Variants in ZNF451 observed in about 807,000 individuals in gnomAD.
ZNF451 encodes E3 SUMO-protein ligase ZNF451.
A neutral mutation model predicts 107.1 loss-of-function variants in ZNF451; 80 were observed. That is an observed-to-expected ratio of 0.75 (90% CI 0.62 to 0.90). The LOEUF is 0.90. Among genes scored for constraint, ZNF451 ranks in the 40% least tolerant of loss-of-function variants. The pLI, the probability that ZNF451 is intolerant of heterozygous loss-of-function variation, is 0.00. For missense variants in ZNF451, 1,107 were observed against 1,236.2 expected (o/e 0.90, Z 1.57); for synonymous variants, 362 against 406.5 (o/e 0.89, Z 1.32).
intron 3 of ZNF451, among the ~76,000 whole-genome samples, chr6:57,123,309 G>A (rs925468413): frequency 5.3e-5 from 8 of 152,156 alleles, no homozygotes; most frequent in African/African-American, 1.9e-4. Context: ...TGTACACTGT[G>A]GAATACTACA....
chr6:57,100,924 G>A, intron 3 of ZNF451: 1 of 1,550,874 alleles, frequency 6.4e-7, no homozygotes, highest in South Asian at 1.2e-5. Flanking sequence ...TTTACGTATA[G>A]ATTCTTCTTC....
intron 5 of ZNF451, among the ~76,000 whole-genome samples, chr6:57,130,568 C>T (rs1831136333): frequency 4.6e-5 from 7 of 152,114 alleles, no homozygotes; most frequent in Admixed American, 4.6e-4. Context: ...CTCTAGATCT[C>T]TTCTAAAAAT....
At chr6:57,111,404 G>A (rs529097480) in intron 3 of ZNF451, among the ~76,000 whole-genome samples, 47 of 149,350 alleles carry the variant, frequency 3.1e-4, no homozygotes, top group Non-Finnish European at 4.4e-4. Flanking sequence ...TTCTTGAGAC[G>A]GAGTCTCACT....
rs549434606 is a variant in ZNF451, at chr6:57,160,284, TCTCCC to T, written c.3071-782_3071-778del. Among the ~76,000 whole-genome samples, 590 of 152,014 alleles carry T rather than the reference TCTCCC, an allele frequency of 3.9e-3. 8 individuals are homozygous for T. The highest frequency in any genetic ancestry group is 0.012 in the African/African-American group (490 of 41,444). On this transcript the variant is annotated intron_variant, in intron 13 of 14. Coordinates refer to ENST00000370706, the MANE Select transcript of ZNF451 (RefSeq NM_001031623.3). Reference sequence around the variant, plus strand: ...CCCCAATGTCCTTTTTCTTTTGTTTTCTCCCCTCCCCTCCCCTCCCCTGTCTTTTC... The same window carrying T: ...CCCCAATGTCCTTTTTCTTTTGTTTTCTCCCCTCCCCTCCCCTGTCTTTTC...
chr6:57,167,173 G>A (rs7774488), intron 14 of ZNF451, among the ~76,000 whole-genome samples: 4,381 of 150,962 alleles, frequency 0.029, 211 homozygotes, highest in African/African-American at 0.1. Context: ...TTGTGATTTC[G>A]TATATATATA....
At position 57,139,571 on chromosome 6, in the gene ZNF451, C is replaced by A. The variant is rs189394057; in HGVS notation, c.703-1731C>A. Among the ~76,000 whole-genome samples, 9 of 152,292 alleles carry A rather than the reference C, an allele frequency of 5.9e-5. 1 individual carries two copies. Among genetic ancestry groups the A allele is most frequent in the Admixed American group, 5.9e-4 (9 of 15,298 alleles). ...CACAATACAATGTTTGAGGCTATTA[C>A]TCTAAAGACCATTAACAAGAAGTTA... On this transcript the variant is annotated intron_variant, in intron 7 of 14. Transcript: ENST00000370706.
chr6:57,108,081 C>A, intron 3 of ZNF451: 1 of 832,392 alleles, frequency 1.2e-6, no homozygotes, highest in Non-Finnish European at 1.4e-6. Flanking sequence ...CCTTGTGATC[C>A]ACCTACCTTG....
intron 13 of ZNF451, among the ~76,000 whole-genome samples, chr6:57,155,178 C>CAAAAAACA (rs564591961): frequency 6.6e-6 from 1 of 151,364 alleles, no homozygotes; most frequent in Non-Finnish European, 1.5e-5. Context: ...TTTCTTAAAA[C>CAAAAAACA]AAAAAACAAA....
At chr6:57,158,983 C>T in intron 13 of ZNF451, 1 of 985,286 alleles carries the variant, frequency 1.0e-6, no homozygotes, top group Non-Finnish European at 1.2e-6. Flanking sequence ...GAAGCAGCAT[C>T]ATGGCCTGTG....
At position 57,161,028 on chromosome 6, in the gene ZNF451, T is replaced by A; in HGVS notation, c.3071-56T>A. The A allele has an allele frequency of 1.9e-5, 21 of 1,134,450 alleles. No homozygotes were observed. In the South Asian group the frequency reaches 3.3e-4, roughly 18 times the overall value. The allele number at this position is 1,134,450 out of a possible 1,614,324, so 70.3% of individuals were successfully genotyped here. ...GTATGAGCAGTTATTGAAAATAATATTGAGAATACATAAATTTATGGCACA... is the reference window on the plus strand; with the variant it reads ...GTATGAGCAGTTATTGAAAATAATAATGAGAATACATAAATTTATGGCACA... On this transcript the variant is annotated intron_variant, in intron 13 of 14. Transcript: ENST00000370706.
chr6:57,153,985 C>CTCTT lies in ZNF451; in HGVS notation c.3010_3011insTTTC (p.His1004LeufsTer15). The stretch of plus-strand genomic sequence containing the variant: ...CAGAGGCCAGCTCATATACTAAACC[C>CTCTT]TCACCACTTAGAGGGAGATATGATG... On this transcript the variant is annotated frameshift_variant, in exon 13 of 15. Coordinates refer to ENST00000370706, the MANE Select transcript of ZNF451 (RefSeq NM_001031623.3). LOFTEE classifies it high-confidence loss of function. 1 of 1,614,142 alleles carries CTCTT rather than the reference C, an allele frequency of 6.2e-7. No individual in the cohort carries two copies.
Position 57,147,965 on chromosome 6 carries a change from C to T in ZNF451, c.1880C>T (p.Ser627Phe). The change falls in exon 10 of 15, where the codon TCT becomes TTT. Residue 627 changes from serine (S) to phenylalanine (F), a missense_variant. Around this residue, in one of 5 missense-constraint regions of ZNF451, gnomAD observed 608 missense variants for 649.2 expected, o/e 0.94. Coordinates refer to ENST00000370706, the MANE Select transcript of ZNF451 (RefSeq NM_001031623.3). ...SQEYVKQHCM[S>F]LASHKFHRYS... Reference sequence around the variant, plus strand: ...GAATATGTAAAACAGCACTGCATGTCTTTGGCAAGCCACAAGTTTCATAGA... The same window carrying T: ...GAATATGTAAAACAGCACTGCATGTTTTTGGCAAGCCACAAGTTTCATAGA... The T allele has an allele frequency of 6.2e-7, 1 of 1,614,058 alleles. No homozygotes were observed.
chr6:57,124,527 G>C (rs1479400285), intron 3 of ZNF451: 5 of 708,596 alleles, frequency 7.1e-6, no homozygotes, highest in Non-Finnish European at 1.3e-5. Context: ...TGTCCTAGCA[G>C]CTCATTTGTC....
chr6:57,134,070 C>T (rs9370565), intron 6 of ZNF451: 39,492 of 152,066 alleles, frequency 0.26, 5,506 homozygotes, highest in African/African-American at 0.35. Flanking sequence ...TTTCTAATAG[C>T]TGAAGAATGG....
chr6:57,152,874 G>T (rs1245660012), intron 12 of ZNF451, among the ~76,000 whole-genome samples: 2 of 152,174 alleles, frequency 1.3e-5, no homozygotes, highest in Non-Finnish European at 2.9e-5. Context: ...GATTACAGGT[G>T]TGAGCCACTG....
intron 10 of ZNF451, among the ~76,000 whole-genome samples, chr6:57,149,611 C>T (rs916612425): frequency 2.0e-5 from 3 of 152,086 alleles, no homozygotes; most frequent in Non-Finnish European, 4.4e-5. Context: ...TATTTGGGTA[C>T]AGTGAGAATA....
intron 11 of ZNF451, chr6:57,151,994 A>T (rs747715663): frequency 9.6e-5 from 41 of 428,400 alleles, no homozygotes; most frequent in Non-Finnish European, 1.5e-4. Context: ...CCTAATATCC[A>T]TGTGAGTTTT....
At chr6:57,117,572 C>T (rs866137975) in intron 3 of ZNF451, among the ~76,000 whole-genome samples, 1 of 151,948 alleles carries the variant, frequency 6.6e-6, no homozygotes, top group Admixed American at 6.6e-5. Context: ...TTTGATAGCA[C>T]GTGAGTATAA....
chr6:57,123,293 G>A (rs1198150824), intron 3 of ZNF451, among the ~76,000 whole-genome samples: 2 of 152,110 alleles, frequency 1.3e-5, no homozygotes, highest in Admixed American at 1.3e-4. Flanking sequence ...AAGAAAATGT[G>A]GTATATGTAC....
Sources: gnomAD v4.1 joint callset for allele counts (sites outside exome capture counted in the v4.1 genomes callset) on GRCh38, gnomAD v4.1.1 for gene constraint, gnomAD v4.1.1 regional missense constraint, MANE v1.5 for transcripts, NCBI Gene and HGNC (gene_info 2026-07-23, HGNC 2026-07-21) for gene names.